The following PCNT variants were observed in gnomAD, a reference collection of about 807,000 sequenced individuals.
PCNT encodes the protein pericentrin.
A neutral mutation model predicts 380.4 loss-of-function variants in PCNT; 319 were observed. The ratio of observed to expected loss-of-function variants is 0.84; its 90% confidence interval spans 0.77 to 0.92. The LOEUF (loss-of-function observed/expected upper bound fraction) is 0.92. PCNT is among the 40% of genes least tolerant of loss of function. PCNT has a pLI of 0.00. For missense variants in PCNT, 4,400 were observed against 4,255.3 expected (o/e 1.03, Z -0.95); for synonymous variants, 1,845 against 1,735.2 (o/e 1.06, Z -1.57).
At chr21:46,404,976 C>T (rs1291466810) in intron 27 of PCNT, among the ~76,000 whole-genome samples, 1 of 152,172 alleles carries the variant, frequency 6.6e-6, no homozygotes, top group Non-Finnish European at 1.5e-5. Flanking sequence ...GTGGCTCTCA[C>T]ACCTGTAATC....
At chr21:46,421,737 A>G (rs1178284271) in intron 31 of PCNT, among the ~76,000 whole-genome samples, 3 of 152,138 alleles carry the variant, frequency 2.0e-5, no homozygotes, top group Non-Finnish European at 4.4e-5. Context: ...GACTCAGGTG[A>G]TGTTCTCAAC....
intron 9 of PCNT, among the ~76,000 whole-genome samples, chr21:46,352,321 G>A (rs2084303287): frequency 6.6e-6 from 1 of 152,090 alleles, no homozygotes; most frequent in Non-Finnish European, 1.5e-5. Context: ...CGCCCTGCCG[G>A]GACCAGGTGC....
chr21:46,408,372 C>T (rs371257219), intron 27 of PCNT, among the ~76,000 whole-genome samples: 1 of 152,144 alleles, frequency 6.6e-6, no homozygotes, highest in African/African-American at 2.4e-5. Context: ...TCATGCATAG[C>T]TTTTTGGGAG....
intron 3 of PCNT, among the ~76,000 whole-genome samples, chr21:46,337,652 G>A (rs1249644445): frequency 6.6e-6 from 1 of 152,152 alleles, no homozygotes; most frequent in East Asian, 1.9e-4. Context: ...GCGCGATCTC[G>A]GCTCTCCGCA....
At chr21:46,356,435 C>A (rs2084480395) in intron 12 of PCNT, among the ~76,000 whole-genome samples, 1 of 152,268 alleles carries the variant, frequency 6.6e-6, no homozygotes, top group Non-Finnish European at 1.5e-5. Flanking sequence ...GTTGGCACCA[C>A]TGGTGCCTGG....
rs550243988 is a variant in PCNT, at chr21:46,433,131, C to T, written c.8751+916C>T. Reference sequence around the variant, plus strand: ...GCACGGTGGCCGATGCCTGTAATCCCAGCACTTTGGGAGGCCAAGGCAGGC... The same window carrying T: ...GCACGGTGGCCGATGCCTGTAATCCTAGCACTTTGGGAGGCCAAGGCAGGC... On this transcript the variant is annotated intron_variant, in intron 38 of 46. Transcript: ENST00000359568. 3.6e-3 allele frequency among the ~76,000 whole-genome samples: 552 copies of T among 152,220 alleles called. 1 individual carries two copies. The highest frequency in any genetic ancestry group is 7.0e-3 in the Non-Finnish European group (479 of 68,002).
At chr21:46,403,501 G>A (rs2086509204) in intron 27 of PCNT, among the ~76,000 whole-genome samples, 3 of 130,548 alleles carry the variant, frequency 2.3e-5, no homozygotes, top group South Asian at 2.8e-4. Context: ...GGAGAATTGT[G>A]TGTGTGGTGC....
At position 46,381,823 on chromosome 21, in the gene PCNT, A is replaced by AATCACCAAGTCCAGCAGGTGTGTGG; in HGVS notation, c.3297_3312+9dup. 1.9e-6 allele frequency: 3 copies of AATCACCAAGTCCAGCAGGTGTGTGG among 1,614,234 alleles called. No homozygotes were observed. The highest frequency in any genetic ancestry group is 2.5e-6 in the Non-Finnish European group (3 of 1,180,036). On this transcript the variant is annotated frameshift_variant, in exon 16 of 47. Transcript: ENST00000359568. LOFTEE classifies it high-confidence loss of function. ...TTTGTCTCTGCAGCTTCAAAAGAAG[A>AATCACCAAGTCCAGCAGGTGTGTGG]ATCACCAAGTCCAGCAGGTGTGTGG...
rs776822294 is a variant in PCNT, at chr21:46,428,568, G to A, written c.7668G>A (p.Gln2556=). The change falls in exon 35 of 47, where the codon CAG becomes CAA. Residue 2556 remains glutamine (Q), a synonymous_variant. Coordinates refer to ENST00000359568, the MANE Select transcript of PCNT (RefSeq NM_006031.6). ...LTSAEARGSQ[Q]EHQLRRQVEL... ...GCGCAGAGGCGCGCGGGAGCCAGCA[G>A]GAGCACCAGCTGCGCAGGCAGGGTG... 1 of 1,603,488 alleles carries A rather than the reference G, an allele frequency of 6.2e-7. No homozygotes were observed. The highest frequency in any genetic ancestry group is 2.2e-5 in the East Asian group (1 of 44,788).
intron 15 of PCNT, among the ~76,000 whole-genome samples, chr21:46,370,721 C>T (rs1231220260): frequency 6.6e-6 from 1 of 152,134 alleles, no homozygotes; most frequent in African/African-American, 2.4e-5. Context: ...GCCTGGGGAA[C>T]ATAGCAAGAG....
chr21:46,349,522 C>G (rs1298040445), intron 7 of PCNT, among the ~76,000 whole-genome samples, 162 bp from the exon 8 acceptor site: 1 of 152,142 alleles, frequency 6.6e-6, no homozygotes, highest in Non-Finnish European at 1.5e-5. Context: ...TAGGCGATGT[C>G]CCCTGGTGCT....
At chr21:46,361,411 A>T (rs1403781044) in intron 13 of PCNT, among the ~76,000 whole-genome samples, 2 of 152,178 alleles carry the variant, frequency 1.3e-5, no homozygotes, top group African/African-American at 4.8e-5. Context: ...GAAAAAAAAG[A>T]ATACACATTC....
chr21:46,424,754 C>T (rs2087423163), intron 32 of PCNT, among the ~76,000 whole-genome samples: 1 of 147,964 alleles, frequency 6.8e-6, no homozygotes, highest in Non-Finnish European at 1.5e-5. Context: ...GCCTTGCTCC[C>T]CCCGTCTCCG....
At chr21:46,328,344 C>T (rs1370305757) in intron 2 of PCNT, among the ~76,000 whole-genome samples, 1 of 151,804 alleles carries the variant, frequency 6.6e-6, no homozygotes, top group Non-Finnish European at 1.5e-5. Context: ...CTCAGTGCAA[C>T]CTCTGCCTCC....
chr21:46,440,222 T>TTCTTAAA lies in PCNT; in HGVS notation c.9393+20_9393+21insTCTTAAA. The TTCTTAAA allele has an allele frequency of 6.2e-7, 1 of 1,613,200 alleles. No homozygotes were observed. Reference sequence around the variant, plus strand: ...GTCAAGGTAGGAACGGTGCCACGAGTATAGAACTTTGGTGCTTTTTTAAGT... The same window carrying TTCTTAAA: ...GTCAAGGTAGGAACGGTGCCACGAGTTCTTAAAATAGAACTTTGGTGCTTTTTTAAGT... On this transcript the variant is annotated intron_variant, in intron 42 of 46. Coordinates refer to ENST00000359568, the MANE Select transcript of PCNT (RefSeq NM_006031.6).
chr21:46,339,518 G>A (rs1252188318), intron 3 of PCNT, among the ~76,000 whole-genome samples: 4 of 152,244 alleles, frequency 2.6e-5, no homozygotes, highest in South Asian at 4.1e-4. Flanking sequence ...GCCAGTCTGA[G>A]TCCGAAAGCT....
chr21:46,378,365 G>A (rs531247622), intron 15 of PCNT, among the ~76,000 whole-genome samples: 24 of 152,276 alleles, frequency 1.6e-4, no homozygotes, highest in South Asian at 4.1e-4. Context: ...TCTCTGGCAC[G>A]TCTGAATTGC....
chr21:46,327,896 T>G (rs1438835197), intron 2 of PCNT, among the ~76,000 whole-genome samples: 1 of 152,198 alleles, frequency 6.6e-6, no homozygotes, highest in African/African-American at 2.4e-5. Context: ...CATGGGCAGG[T>G]GTGGCAGGTG....
rs1046849108 is a variant in PCNT, at chr21:46,366,095, CATTCACTGCCATGGGGTTCA to C, written c.2610-469_2610-450del. 2.7e-5 allele frequency among the ~76,000 whole-genome samples: 4 copies of C among 150,318 alleles called. No individual in the cohort carries two copies. In the South Asian group the frequency reaches 6.3e-4, roughly 24 times the overall value. On this transcript the variant is annotated intron_variant, in intron 14 of 46. Transcript: ENST00000359568. Reference sequence around the variant, plus strand: ...CTATTCACTGCCATGAGGTTCTATTCATTCACTGCCATGGGGTTCAATTCACTGCCATGGGGTTCTCAGGC... The same window carrying C: ...CTATTCACTGCCATGAGGTTCTATTCATTCACTGCCATGGGGTTCTCAGGC...
Sources: allele counts gnomAD v4.1 joint callset (sites outside exome capture counted in the v4.1 genomes callset), GRCh38; gene constraint gnomAD v4.1.1; transcripts MANE v1.5; gene names NCBI Gene and HGNC (gene_info 2026-07-23, HGNC 2026-07-21).